STX8: variants seen among roughly 807,000 people sequenced by gnomAD.
The protein encoded by STX8 is syntaxin 8, also known as syntaxin-8.
A neutral mutation model predicts 37.5 loss-of-function variants in STX8; 23 were observed. The observed-to-expected ratio is 0.61, with a 90% confidence interval of 0.44 to 0.87. The LOEUF (loss-of-function observed/expected upper bound fraction) is 0.87, where lower values mean the gene tolerates loss of function less well. Ranked by LOEUF, STX8 falls within the 40% of genes least tolerant of loss-of-function variation. STX8 has a pLI of 0.00. For missense variants in STX8, 313 were observed against 284.7 expected, an observed-to-expected ratio of 1.10 and a Z score of -0.71; for synonymous variants, 115 against 99.1, an observed-to-expected ratio of 1.16 and a Z score of -0.95.
intron 7 of STX8, among the ~76,000 whole-genome samples, chr17:9,345,139 C>A (rs1910488707): frequency 6.6e-6 from 1 of 151,854 alleles, no homozygotes; most frequent in African/African-American, 2.4e-5. Context: ...CATATACACA[C>A]AGCTCTCATT....
chr17:9,454,301 G>A (rs1905124986), intron 6 of STX8, among the ~76,000 whole-genome samples: 1 of 152,164 alleles, frequency 6.6e-6, no homozygotes, highest in East Asian at 1.9e-4. Flanking sequence ...CTGGACACAG[G>A]GATGATTCGT....
intron 3 of STX8, among the ~76,000 whole-genome samples, chr17:9,552,597 T>C (rs868766762): frequency 6.6e-6 from 1 of 152,182 alleles, no homozygotes; most frequent in African/African-American, 2.4e-5. Context: ...ATCTATCTAC[T>C]TACCTATCTT....
At chr17:9,255,549 A>T (rs867232976) in intron 7 of STX8, among the ~76,000 whole-genome samples, 76 of 69,116 alleles carry the variant, frequency 1.1e-3, no homozygotes, top group African/African-American at 1.9e-3. Context: ...TAAATAAATA[A>T]ATAAATATAT....
chr17:9,526,243 T>C (rs1374943545), intron 4 of STX8, among the ~76,000 whole-genome samples: 1 of 152,222 alleles, frequency 6.6e-6, no homozygotes, highest in Non-Finnish European at 1.5e-5. Context: ...CTCTCTTCCA[T>C]TGATTCACCA....
rs747954703 is a variant in STX8, at chr17:9,264,604, C to A, written c.644-13959G>T. Reference sequence around the variant, plus strand: ...ACAGGCATGAGCCACTGCACCCAGCCTGATTTTTTAAACACAGCAATAGAT... The same window carrying A: ...ACAGGCATGAGCCACTGCACCCAGCATGATTTTTTAAACACAGCAATAGAT... On this transcript the variant is annotated intron_variant, in intron 7 of 7. Transcript: ENST00000306357. 8.6e-4 allele frequency among the ~76,000 whole-genome samples: 131 copies of A among 152,154 alleles called. 1 individual carries two copies. The highest frequency in any genetic ancestry group is 2.4e-4 in the Non-Finnish European group (16 of 68,032).
chr17:9,544,816 C>T (rs1268849556), intron 4 of STX8, among the ~76,000 whole-genome samples: 1 of 152,026 alleles, frequency 6.6e-6, no homozygotes, highest in Non-Finnish European at 1.5e-5. Context: ...TACGGTGAAA[C>T]CCCATCTCTA....
intron 3 of STX8, among the ~76,000 whole-genome samples, chr17:9,546,520 C>T (rs974622035): frequency 1.0e-4 from 15 of 150,516 alleles, no homozygotes; most frequent in Non-Finnish European, 1.8e-4. Context: ...CTGTCAACAA[C>T]CGGCGCCACT....
At chr17:9,518,055 T>C (rs112132908) in intron 4 of STX8, among the ~76,000 whole-genome samples, 4 of 152,176 alleles carry the variant, frequency 2.6e-5, no homozygotes, top group African/African-American at 7.2e-5. Flanking sequence ...CTTATCCTCC[T>C]ATTATCCCAG....
chr17:9,466,902 T>C (rs976927093), intron 6 of STX8: 1 of 152,242 alleles, frequency 6.6e-6, no homozygotes, highest in Non-Finnish European at 1.5e-5. Flanking sequence ...AGCCTTTTTT[T>C]CTTTTGAGAT....
chr17:9,479,714 G>T lies in STX8; in HGVS notation c.541+12115C>A, dbSNP rs188500920. On this transcript the variant is annotated intron_variant, in intron 6 of 7. Coordinates refer to ENST00000306357, the MANE Select transcript of STX8 (RefSeq NM_004853.3). ...ATAGACAAAATTACAGAATCCATAA[G>T]TAGCAAATTAAGTAATTTTACATTG... Among the ~76,000 whole-genome samples, 345 of 151,682 alleles carry T rather than the reference G, an allele frequency of 2.3e-3. 4 individuals carry two copies. The highest frequency in any genetic ancestry group is 8.0e-3 in the African/African-American group (331 of 41,378).
chr17:9,355,564 G>A (rs551371356), intron 7 of STX8, among the ~76,000 whole-genome samples: 5 of 149,412 alleles, frequency 3.3e-5, no homozygotes, highest in African/African-American at 1.2e-4. Flanking sequence ...GTGCAATGGC[G>A]CAATCTCGGC....
chr17:9,458,442 C>T (rs1031424813), intron 6 of STX8, among the ~76,000 whole-genome samples: 1 of 152,228 alleles, frequency 6.6e-6, no homozygotes, highest in African/African-American at 2.4e-5. Context: ...AGCCACCGTG[C>T]CCTGCCAATA....
chr17:9,488,933 G>A (rs1001620651), intron 6 of STX8, among the ~76,000 whole-genome samples: 3 of 152,160 alleles, frequency 2.0e-5, no homozygotes, highest in Non-Finnish European at 4.4e-5. Flanking sequence ...CTGGAGTGCA[G>A]TGGTGCAATC....
Position 9,428,531 on chromosome 17 carries a change from C to T in STX8, c.542-49878G>A, listed in dbSNP as rs190287659. Among the ~76,000 whole-genome samples, 224 of 152,134 alleles carry T rather than the reference C, an allele frequency of 1.5e-3. 1 individual carries two copies. Among genetic ancestry groups the T allele is most frequent in the African/African-American group, 2.9e-3 (120 of 41,558 alleles). ...CTGGGATTACAGGCGTAAGCCACCC[C>T]GTCCGGCAAAGAAATGATTCTTAAT... On this transcript the variant is annotated intron_variant, in intron 6 of 7. Coordinates refer to ENST00000306357, the MANE Select transcript of STX8 (RefSeq NM_004853.3).
At chr17:9,326,098 G>T (rs1909743099) in intron 7 of STX8, among the ~76,000 whole-genome samples, 1 of 151,658 alleles carries the variant, frequency 6.6e-6, no homozygotes, top group African/African-American at 2.4e-5. Context: ...TGCAGTCTTG[G>T]TTTTAGCCAC....
At chr17:9,523,594 C>A (rs1427631495) in intron 4 of STX8, among the ~76,000 whole-genome samples, 1 of 152,148 alleles carries the variant, frequency 6.6e-6, no homozygotes, top group African/African-American at 2.4e-5. Context: ...TCAAGATGAG[C>A]AATCTACATT....
chr17:9,308,942 A>G (rs1321586220), intron 7 of STX8, among the ~76,000 whole-genome samples: 2 of 152,112 alleles, frequency 1.3e-5, no homozygotes, highest in East Asian at 3.9e-4. Context: ...TAAACATAAA[A>G]GGAACCTAAA....
intron 7 of STX8, among the ~76,000 whole-genome samples, chr17:9,288,870 G>A (rs913358009): frequency 1.3e-5 from 2 of 152,028 alleles, no homozygotes; most frequent in Non-Finnish European, 2.9e-5. Flanking sequence ...AACACAGGAG[G>A]TAATCATGAA....
chr17:9,330,494 C>T (rs1329488138), intron 7 of STX8, among the ~76,000 whole-genome samples: 2 of 152,146 alleles, frequency 1.3e-5, no homozygotes, highest in Non-Finnish European at 2.9e-5. Flanking sequence ...TCCATCCTTG[C>T]GATGTATGAA....
Sources: gnomAD v4.1 joint callset for allele counts (sites outside exome capture counted in the v4.1 genomes callset) on GRCh38, gnomAD v4.1.1 for gene constraint, MANE v1.5 for transcripts, NCBI Gene and HGNC (gene_info 2026-07-23, HGNC 2026-07-21) for gene names.